The following MDGA2 variants were observed in gnomAD, a reference collection of about 807,000 sequenced individuals.
MDGA2 encodes the protein MAM domain containing glycosylphosphatidylinositol anchor 2.
A neutral mutation model predicts 117.8 loss-of-function variants in MDGA2; 40 were observed. The observed-to-expected ratio is 0.34, with a 90% CI of 0.26 to 0.44. The LOEUF is 0.44. Among genes scored for constraint, MDGA2 ranks in the 20% least tolerant of loss-of-function variants. MDGA2 has a pLI of 1.00. For synonymous variants in MDGA2, 452 were observed against 439.0 expected (o/e 1.03, Z -0.37); for missense variants, 1,123 against 1,250.6 (o/e 0.90, Z 1.54).
chr14:47,006,025 A>G (rs1887697245), intron 8 of MDGA2, among the ~76,000 whole-genome samples: 1 of 151,640 alleles, frequency 6.6e-6, no homozygotes, highest in Non-Finnish European at 1.5e-5. Context: ...CCACTAGTTT[A>G]TCTGGAGTCC....
At chr14:47,065,215 T>C (rs1433876990) in intron 6 of MDGA2, among the ~76,000 whole-genome samples, 2 of 152,140 alleles carry the variant, frequency 1.3e-5, no homozygotes, top group Admixed American at 1.3e-4. Context: ...TTTTTTAATA[T>C]TGTGAATTGA....
In MDGA2 at chr14:47,428,919, G is replaced by A. The variant is rs1185227211; in HGVS notation, c.281-127369C>T. Among the ~76,000 whole-genome samples, 5 of 152,022 alleles carry A rather than the reference G, an allele frequency of 3.3e-5. No individual in the cohort carries two copies. The South Asian group carries it at 6.2e-4, about 19-fold the overall frequency. ...TATACAAAATACTAAAAGCTTTGTT[G>A]AACAGAATCAAATCACAAACTGATA... On this transcript the variant is annotated intron_variant, in intron 1 of 16. Coordinates refer to ENST00000399232, the MANE Select transcript of MDGA2 (RefSeq NM_001113498.3).
chr14:47,134,777 C>A (rs1366047871), intron 4 of MDGA2, among the ~76,000 whole-genome samples: 15 of 145,908 alleles, frequency 1.0e-4, no homozygotes, highest in Admixed American at 8.3e-4. Context: ...CACACACACA[C>A]TATATATATA....
intron 2 of MDGA2, among the ~76,000 whole-genome samples, chr14:47,247,272 G>T (rs1185863212): frequency 6.6e-6 from 1 of 150,912 alleles, no homozygotes; most frequent in Non-Finnish European, 1.5e-5. Context: ...AAATAAATAG[G>T]TGTGTATATC....
At chr14:47,363,978 G>GATAGT (rs1215286355) in intron 1 of MDGA2, among the ~76,000 whole-genome samples, 3 of 152,054 alleles carry the variant, frequency 2.0e-5, no homozygotes, top group Non-Finnish European at 4.4e-5. Flanking sequence ...TAAATGTATA[G>GATAGT]ATAGTAACTG....
intron 11 of MDGA2, among the ~76,000 whole-genome samples, chr14:46,880,223 G>C (rs765912634): frequency 2.6e-5 from 4 of 152,038 alleles, no homozygotes; most frequent in Non-Finnish European, 5.9e-5. Flanking sequence ...TACTGGGGAG[G>C]CTGAGGCAGG....
At chr14:47,307,821 G>A (rs1286341404) in intron 1 of MDGA2, among the ~76,000 whole-genome samples, 1 of 152,124 alleles carries the variant, frequency 6.6e-6, no homozygotes, top group Non-Finnish European at 1.5e-5. Context: ...AGCTTTCAAT[G>A]GTAGTTGATG....
chr14:47,281,868 C>T (rs1302134872), intron 2 of MDGA2, among the ~76,000 whole-genome samples: 1 of 151,826 alleles, frequency 6.6e-6, no homozygotes, highest in Admixed American at 6.6e-5. Context: ...ACCAACCTGG[C>T]CAACATGGTG....
At chr14:47,622,014 G>A (rs1001536946) in intron 1 of MDGA2, among the ~76,000 whole-genome samples, 2 of 152,174 alleles carry the variant, frequency 1.3e-5, no homozygotes, top group African/African-American at 4.8e-5. Flanking sequence ...CACTGTGCTT[G>A]TAACATAGTA....
intron 9 of MDGA2, among the ~76,000 whole-genome samples, chr14:46,940,396 A>G (rs1271910334): frequency 6.6e-6 from 1 of 152,082 alleles, no homozygotes; most frequent in Non-Finnish European, 1.5e-5. Context: ...TGGGAGTCTG[A>G]GGAGGGTGGA....
At chr14:46,842,203 T>C (rs1048016576) in intron 16 of MDGA2, among the ~76,000 whole-genome samples, 184 bp from the exon 17 acceptor site, 3 of 152,128 alleles carry the variant, frequency 2.0e-5, no homozygotes, top group African/African-American at 7.2e-5. Flanking sequence ...AAAATGAATA[T>C]ATGGTTAAGG....
chr14:47,650,696 A>G (rs1897623995), intron 1 of MDGA2, among the ~76,000 whole-genome samples: 1 of 152,200 alleles, frequency 6.6e-6, no homozygotes, highest in Non-Finnish European at 1.5e-5. Context: ...GGTTGGAAAA[A>G]TGCATAAATG....
intron 1 of MDGA2, among the ~76,000 whole-genome samples, chr14:47,413,026 C>T (rs1892404589): frequency 6.6e-6 from 1 of 152,098 alleles, no homozygotes; most frequent in African/African-American, 2.4e-5. Flanking sequence ...ACCATTTTTG[C>T]TCTAGTCTAG....
chr14:47,535,101 T>C (rs185340029), intron 1 of MDGA2, among the ~76,000 whole-genome samples: 1 of 152,340 alleles, frequency 6.6e-6, no homozygotes, highest in Admixed American at 6.5e-5. Context: ...ACGTTAGGAT[T>C]TCCAGGTGTT....
chr14:47,461,269 ATGTG>A (rs55889646), intron 1 of MDGA2, among the ~76,000 whole-genome samples: 21 of 142,946 alleles, frequency 1.5e-4, no homozygotes, highest in African/African-American at 4.7e-4. Context: ...AAAAAAATGT[ATGTG>A]TGTGTGTGTG....
intron 2 of MDGA2, among the ~76,000 whole-genome samples, chr14:47,242,611 G>A (rs895944086): frequency 1.3e-5 from 2 of 151,814 alleles, no homozygotes; most frequent in African/African-American, 2.4e-5. Context: ...AGGGTGTACT[G>A]AGTCCCCCAG....
intron 3 of MDGA2, among the ~76,000 whole-genome samples, chr14:47,209,628 A>G (rs1419176530): frequency 6.6e-6 from 1 of 152,216 alleles, no homozygotes; most frequent in Non-Finnish European, 1.5e-5. Flanking sequence ...GTAAACAGGT[A>G]TGTAATAGGA....
At chr14:46,845,732 T>A in intron 16 of MDGA2, 34 bp downstream of exon 16, 1 of 1,350,670 alleles carries the variant, frequency 7.4e-7, no homozygotes, top group Non-Finnish European at 1.1e-6. Flanking sequence ...TACTTTAACG[T>A]TACAACAAAC....
chr14:46,842,080 T>C, intron 16 of MDGA2, 61 bp from the exon 17 acceptor site: 1 of 1,045,646 alleles, frequency 9.6e-7, no homozygotes. Context: ...TCCACGTAGC[T>C]ACTAACACAA....
Sources: gnomAD v4.1 joint callset for allele counts (sites outside exome capture counted in the v4.1 genomes callset) on GRCh38, gnomAD v4.1.1 for gene constraint, MANE v1.5 for transcripts, NCBI Gene and HGNC (gene_info 2026-07-23, HGNC 2026-07-21) for gene names.